The following LRRC4C variants were observed in gnomAD, a reference collection of about 807,000 sequenced individuals.
The protein encoded by LRRC4C is leucine-rich repeat-containing protein 4C.
Under a neutral mutation model 33.6 loss-of-function variants are expected in LRRC4C, and 5 were observed. The observed-to-expected ratio is 0.15, with a 90% CI of 0.08 to 0.31. The LOEUF (loss-of-function observed/expected upper bound fraction) is 0.31. Among genes scored for constraint, LRRC4C ranks in the 10% least tolerant of loss-of-function variants. The probability of loss-of-function intolerance (pLI) is 1.00; values close to 1 mark genes in which losing one functional copy is unlikely to be tolerated. For missense variants in LRRC4C, 560 were observed against 796.7 expected (o/e 0.70, Z 3.58); for synonymous variants, 329 against 302.0 (o/e 1.09, Z -0.93).
chr11:41,235,730 A>G lies in LRRC4C; in HGVS notation c.-496+223701T>C, dbSNP rs543177825. ...ATCTTCGGTATCACTGGAGTCTATA[A>G]CTGATGTCATCTGTACTTGGATAAT... On this transcript the variant is annotated intron_variant, in intron 1 of 6. Transcript: ENST00000528697. 5.7e-4 allele frequency among the ~76,000 whole-genome samples: 87 copies of G among 152,226 alleles called. 1 individual carries two copies. Among genetic ancestry groups the G allele is most frequent in the African/African-American group, 2.0e-3 (85 of 41,562 alleles).
chr11:41,244,003 T>C (rs1451843932), intron 1 of LRRC4C, among the ~76,000 whole-genome samples: 1 of 152,110 alleles, frequency 6.6e-6, no homozygotes, highest in Non-Finnish European at 1.5e-5. Flanking sequence ...TTCTCCAAAT[T>C]TGCCTGTTTA....
intron 1 of LRRC4C, among the ~76,000 whole-genome samples, chr11:41,390,405 G>C (rs552087987): frequency 4.6e-5 from 7 of 151,748 alleles, no homozygotes; most frequent in South Asian, 2.1e-4. Flanking sequence ...CTTTGTAACC[G>C]GCGACTACAG....
At chr11:40,309,815 G>C (rs1303138494) in intron 4 of LRRC4C, among the ~76,000 whole-genome samples, 2 of 152,084 alleles carry the variant, frequency 1.3e-5, no homozygotes, top group Non-Finnish European at 2.9e-5. Context: ...CCAAAAGTAT[G>C]ATCTTAATGG....
chr11:40,503,484 G>T (rs942627356), intron 3 of LRRC4C, among the ~76,000 whole-genome samples: 8 of 152,152 alleles, frequency 5.3e-5, no homozygotes, highest in African/African-American at 1.9e-4. Context: ...GCTGGTTACT[G>T]TGAAACCCTG....
Position 40,114,328 on chromosome 11 carries a change from CTT to C in LRRC4C, c.*40_*41del. The C allele has an allele frequency of 6.7e-7, 1 of 1,494,784 alleles. No homozygotes were observed. 92.6% of individuals were successfully genotyped at this position (1,494,784 alleles called of 1,614,324 possible). A position where few individuals can be genotyped will look rare whatever the true frequency, so the allele number is the denominator to read the frequency against. On this transcript the variant is annotated 3_prime_UTR_variant, in exon 7 of 7. Transcript: ENST00000528697. ...ATTTGTGTCATTTTTAATAAACTGT[CTT>C]TTTTTTTGATTGTTTGTTTTTTGTA... is the stretch of plus-strand genomic sequence containing the variant.
chr11:40,342,348 A>G (rs1590373810), intron 3 of LRRC4C, among the ~76,000 whole-genome samples: 1 of 152,234 alleles, frequency 6.6e-6, no homozygotes, highest in East Asian at 1.9e-4. Context: ...GCGCACCTCT[A>G]GTCCCAGCTA....
rs547881994 is a variant in LRRC4C, at chr11:40,539,018, A to T, written c.-270+109124T>A. On this transcript the variant is annotated intron_variant, in intron 3 of 6. Transcript: ENST00000528697. The stretch of plus-strand genomic sequence containing the variant: ...TTTTCTTGTAAATTTGTTTGAGTTC[A>T]TTGTAGATTCTGGATATTAGCCCAC... Among the ~76,000 whole-genome samples the T allele has an allele frequency of 7.2e-5, 11 of 152,058 alleles. 2 individuals carry two copies. The South Asian group carries it at 2.3e-3, about 32-fold the overall frequency.
chr11:41,145,465 T>C (rs1943688159), intron 1 of LRRC4C, among the ~76,000 whole-genome samples: 1 of 152,224 alleles, frequency 6.6e-6, no homozygotes. Flanking sequence ...CCTGTTTTTA[T>C]AAATAAGGTT....
chr11:41,051,341 T>C (rs1858192614), intron 1 of LRRC4C, among the ~76,000 whole-genome samples: 2 of 151,956 alleles, frequency 1.3e-5, no homozygotes, highest in African/African-American at 4.8e-5. Context: ...ATACATTTTG[T>C]ATTGGACTTA....
chr11:41,337,672 C>A (rs1169353548), intron 1 of LRRC4C, among the ~76,000 whole-genome samples: 1 of 151,962 alleles, frequency 6.6e-6, no homozygotes, highest in Non-Finnish European at 1.5e-5. Context: ...GTAACAGAAG[C>A]TAAAATTAAA....
chr11:41,039,378 G>A (rs891890765), intron 1 of LRRC4C, among the ~76,000 whole-genome samples: 4 of 152,072 alleles, frequency 2.6e-5, no homozygotes, highest in Non-Finnish European at 4.4e-5. Context: ...TAAGTTCAGG[G>A]ATATCAAATA....
At chr11:41,279,426 A>ACCCCCCCCC (rs758334311) in intron 1 of LRRC4C, among the ~76,000 whole-genome samples, 2 of 113,200 alleles carry the variant, frequency 1.8e-5, no homozygotes, top group African/African-American at 6.3e-5. Context: ...ACACACACAC[A>ACCCCCCCCC]CACCGTGGCA....
rs80087434 is a variant in LRRC4C, at chr11:40,118,458, G to A, written c.-42-2124C>T. On this transcript the variant is annotated intron_variant, in intron 6 of 6. Transcript: ENST00000528697. ...GATAAGCAAACAGATGAAGTACAAT[G>A]ATATATGTTCATTGCTATGACAGAA... 4.5e-3 allele frequency among the ~76,000 whole-genome samples: 684 copies of A among 152,216 alleles called. 4 individuals are homozygous for A. Among genetic ancestry groups the A allele is most frequent in the Middle Eastern group, 0.014 (4 of 292 alleles).
chr11:41,110,700 C>A (rs1941779147), intron 1 of LRRC4C, among the ~76,000 whole-genome samples: 1 of 151,872 alleles, frequency 6.6e-6, no homozygotes, highest in Non-Finnish European at 1.5e-5. Context: ...GGTTGAAGGT[C>A]AATATTTCAT....
At chr11:40,955,543 A>G (rs903346164) in intron 1 of LRRC4C, among the ~76,000 whole-genome samples, 3 of 151,840 alleles carry the variant, frequency 2.0e-5, no homozygotes, top group Non-Finnish European at 4.4e-5. Flanking sequence ...CATAATTACA[A>G]TCTAAAACTA....
At chr11:40,887,808 T>C (rs1955531481) in intron 2 of LRRC4C, among the ~76,000 whole-genome samples, 1 of 152,036 alleles carries the variant, frequency 6.6e-6, no homozygotes, top group South Asian at 2.1e-4. Flanking sequence ...TTAATGATGT[T>C]GTAAATATTT....
intron 1 of LRRC4C, among the ~76,000 whole-genome samples, chr11:41,287,858 T>A (rs1249787542): frequency 6.6e-6 from 1 of 152,322 alleles, no homozygotes; most frequent in African/African-American, 2.4e-5. Context: ...GTATTATTTA[T>A]TCATTTTTGA....
chr11:40,670,386 C>G (rs535426485), intron 2 of LRRC4C, among the ~76,000 whole-genome samples: 2 of 152,244 alleles, frequency 1.3e-5, no homozygotes, highest in African/African-American at 4.8e-5. Context: ...TTAAAATGTC[C>G]TTATGTAAAT....
chr11:40,147,976 T>C (rs901360541), intron 5 of LRRC4C, among the ~76,000 whole-genome samples: 6 of 152,136 alleles, frequency 3.9e-5, no homozygotes, highest in African/African-American at 1.4e-4. Context: ...CTCCCACTTA[T>C]AAGTAAGAAC....
Sources: gnomAD v4.1 joint callset for allele counts (sites outside exome capture counted in the v4.1 genomes callset) on GRCh38, gnomAD v4.1.1 for gene constraint, MANE v1.5 for transcripts, NCBI Gene and HGNC (gene_info 2026-07-23, HGNC 2026-07-21) for gene names.